PCDHA11: variants seen among roughly 807,000 people sequenced by gnomAD.
PCDHA11 encodes the protein protocadherin alpha 11.
PCDHA11 carries 61 observed loss-of-function variants against 70.3 expected under a neutral mutation model. The ratio of observed to expected loss-of-function variants is 0.87; its 90% CI spans 0.71 to 1.07. PCDHA11 has a LOEUF of 1.07. Ranked by LOEUF, PCDHA11 falls within the 50% of genes least tolerant of loss-of-function variation. The pLI is 0.00. For synonymous variants in PCDHA11, 633 were observed against 555.1 expected (o/e 1.14, Z -1.97); for missense variants, 1,324 against 1,237.5 (o/e 1.07, Z -1.05).
chr5:140,928,990 C>CT, intron 1 of PCDHA11: 2 of 1,613,884 alleles, frequency 1.2e-6, no homozygotes, highest in African/African-American at 1.3e-5. Context: ...GGGGTGCTTA[C>CT]TTTTCTTCGT....
At chr5:140,882,960 C>G in intron 1 of PCDHA11, 11 of 1,614,166 alleles carry the variant, frequency 6.8e-6, no homozygotes, top group Non-Finnish European at 5.9e-6. Flanking sequence ...CTGCTCATCA[C>G]GATTCTGGAC....
Position 140,869,837 on chromosome 5 carries a change from C to A in PCDHA11, c.734C>A (p.Ser245Ter), listed in dbSNP as rs374182289. 3.0e-5 allele frequency: 48 copies of A among 1,611,366 alleles called. No individual in the cohort carries two copies. Among genetic ancestry groups the A allele is most frequent in the Non-Finnish European group, 3.6e-5 (42 of 1,178,750 alleles). The part of the protein sequence containing the change: ...VNDNDPEFDK[S>*]EYKVSLMENA... ...GACAATGATCCAGAGTTTGATAAAT[C>A]AGAATATAAGGTGAGCCTTATGGAA... Residue 245 changes from serine to a stop codon, truncating the protein, a stop_gained, in exon 1 of 4, where the codon TCA becomes TAA. Coordinates refer to ENST00000398640, the MANE Select transcript of PCDHA11 (RefSeq NM_018902.5). LOFTEE classifies it high-confidence loss of function.
chr5:140,913,106 T>C (rs1308946519), intron 1 of PCDHA11, among the ~76,000 whole-genome samples: 1 of 152,194 alleles, frequency 6.6e-6, no homozygotes, highest in Admixed American at 6.6e-5. Flanking sequence ...CCTCATAGAA[T>C]CAGTTTGGAA....
intron 3 of PCDHA11, among the ~76,000 whole-genome samples, chr5:141,000,423 T>TC (rs2097932931): frequency 9.0e-5 from 6 of 66,856 alleles, no homozygotes; most frequent in African/African-American, 3.6e-4. Flanking sequence ...ATATATATAT[T>TC]TTTTTTTTTT....
chr5:140,877,987 C>A (rs1290531354), intron 1 of PCDHA11: 13 of 1,151,196 alleles, frequency 1.1e-5, no homozygotes, highest in African/African-American at 3.1e-5. Context: ...TCATTTTGAA[C>A]TTTTATGTAT....
intron 3 of PCDHA11, among the ~76,000 whole-genome samples, chr5:140,988,287 C>A (rs2097291303): frequency 6.6e-6 from 1 of 152,240 alleles, no homozygotes; most frequent in Non-Finnish European, 1.5e-5. Context: ...TGCCATCTGA[C>A]AGCCCAGGAG....
intron 1 of PCDHA11, chr5:140,926,516 G>C: frequency 5.0e-6 from 1 of 198,082 alleles, no homozygotes; most frequent in Non-Finnish European, 1.0e-5. Context: ...CCCAGGCTCC[G>C]CCCTGCGCCC....
chr5:140,969,366 A>C (rs1554231734), intron 1 of PCDHA11: 1 of 1,609,828 alleles, frequency 6.2e-7, no homozygotes. Context: ...CTACAAACTC[A>C]TGCATTTGTT....
At chr5:140,882,718 T>A (rs782288800) in intron 1 of PCDHA11, 9 of 1,614,054 alleles carry the variant, frequency 5.6e-6, no homozygotes, top group Middle Eastern at 1.6e-4. Flanking sequence ...CTCCGGAAAC[T>A]CGATTTCCAC....
At chr5:140,894,066 A>G (rs997633914) in intron 1 of PCDHA11, among the ~76,000 whole-genome samples, 1 of 152,204 alleles carries the variant, frequency 6.6e-6, no homozygotes, top group Admixed American at 6.5e-5. Context: ...ATTTTTAAAT[A>G]CATTTATTTT....
At chr5:140,895,922 T>G (rs1301725770) in intron 1 of PCDHA11, among the ~76,000 whole-genome samples, 1 of 152,190 alleles carries the variant, frequency 6.6e-6, no homozygotes, top group African/African-American at 2.4e-5. Context: ...ACAATTATCC[T>G]GCCTCAGCCT....
chr5:140,869,363 A>G lies in PCDHA11; in HGVS notation c.260A>G (p.Asn87Ser), dbSNP rs1201912812. The G allele has an allele frequency of 9.3e-6, 15 of 1,614,010 alleles. No individual in the cohort carries two copies. In the Admixed American group the frequency reaches 2.5e-4, roughly 27 times the overall value. ...VNLQNGILFV[N>S]SRIDREELCG... ...CTGCAGAATGGCATTTTGTTTGTGA[A>G]TTCTCGGATCGACCGCGAGGAGCTG... The change falls in exon 1 of 4, where the codon AAT becomes AGT. Residue 87 changes from asparagine to serine, a missense_variant. Coordinates refer to ENST00000398640, the MANE Select transcript of PCDHA11 (RefSeq NM_018902.5).
chr5:140,924,996 T>G (rs960105846), intron 1 of PCDHA11, among the ~76,000 whole-genome samples: 1 of 151,078 alleles, frequency 6.6e-6, no homozygotes, highest in African/African-American at 2.4e-5. Flanking sequence ...ATCCTAGCAC[T>G]TTAGGAGGCT....
intron 1 of PCDHA11, among the ~76,000 whole-genome samples, chr5:140,956,034 A>C (rs1274584028): frequency 1.3e-5 from 2 of 152,200 alleles, no homozygotes; most frequent in Non-Finnish European, 2.9e-5. Flanking sequence ...TTATCAGCTT[A>C]AGAAGCTTTT....
Position 140,978,781 on chromosome 5 carries a change from A to C in PCDHA11, c.2392-168A>C, listed in dbSNP as rs4461687. ...GACCCTGATGAACTAATTTTCTTCT[A>C]AAGTGCTATATATGTAGATATCATC... On this transcript the variant is annotated intron_variant, in intron 1 of 3. Coordinates refer to ENST00000398640, the MANE Select transcript of PCDHA11 (RefSeq NM_018902.5). 2,731 of 969,880 alleles carry C rather than the reference A, an allele frequency of 2.8e-3. 24 individuals carry two copies. The East Asian group carries it at 0.042, about 15-fold the overall frequency. The allele number at this position is 969,880 out of a possible 1,614,324, so 60.1% of individuals were successfully genotyped here.
At chr5:140,925,146 A>G (rs1467973124) in intron 1 of PCDHA11, among the ~76,000 whole-genome samples, 5 of 151,742 alleles carry the variant, frequency 3.3e-5, no homozygotes, top group Admixed American at 3.3e-4. Flanking sequence ...AACATACACA[A>G]AAGTTGAGAG....
At chr5:140,881,993 A>C in intron 1 of PCDHA11, 1 of 454,088 alleles carries the variant, frequency 2.2e-6, no homozygotes, top group Non-Finnish European at 3.7e-6. Flanking sequence ...AATGTCAGGA[A>C]ATGCAAGGGG....
intron 1 of PCDHA11, chr5:140,927,638 G>A (rs781909639): frequency 1.2e-6 from 2 of 1,614,142 alleles, no homozygotes; most frequent in Admixed American, 1.7e-5. Context: ...GCACCCAATG[G>A]GACTGTGTTA....
In PCDHA11 at chr5:140,869,222, AAC is replaced by A. The variant is rs1554162674; in HGVS notation, c.122_123del (p.His41ArgfsTer86). 2 of 1,613,834 alleles carry A rather than the reference AAC, an allele frequency of 1.2e-6. No individual in the cohort carries two copies. The highest frequency in any genetic ancestry group is 2.2e-5 in the South Asian group (2 of 91,070). ...CACTACTCCGTCTCGGAGGAGGCCA[AAC>A]ACGGCACCTTCGTGGGCCGCATCGC... On this transcript the variant is annotated frameshift_variant, in exon 1 of 4. Transcript: ENST00000398640. LOFTEE classifies it high-confidence loss of function.
Sources: allele counts gnomAD v4.1 joint callset (sites outside exome capture counted in the v4.1 genomes callset), GRCh38; gene constraint gnomAD v4.1.1; transcripts MANE v1.5; gene names NCBI Gene and HGNC (gene_info 2026-07-23, HGNC 2026-07-21).